The following CACNA1C variants were observed in gnomAD, a reference collection of about 807,000 sequenced individuals.
CACNA1C encodes the protein voltage-dependent L-type calcium channel subunit alpha-1C.
A neutral mutation model predicts 229.0 loss-of-function variants in CACNA1C; 30 were observed. That is an observed-to-expected ratio of 0.13 (90% CI 0.10 to 0.18). The LOEUF (loss-of-function observed/expected upper bound fraction) is 0.18. CACNA1C is among the 10% of genes least tolerant of loss of function. The pLI is 1.00. For missense variants in CACNA1C, 1,658 were observed against 2,845.0 expected (o/e 0.58, Z 9.49); for synonymous variants, 1,114 against 1,132.5 (o/e 0.98, Z 0.33).
At chr12:2,610,196 G>A (rs1044599579) in intron 27 of CACNA1C, among the ~76,000 whole-genome samples, 1 of 152,104 alleles carries the variant, frequency 6.6e-6, no homozygotes, top group Non-Finnish European at 1.5e-5. Flanking sequence ...GCTGTCAGTC[G>A]GTCAGGAAGC....
chr12:2,283,435 C>T lies in CACNA1C; in HGVS notation c.477+163005C>T, dbSNP rs116396201. On this transcript the variant is annotated intron_variant, in intron 3 of 46. Coordinates refer to ENST00000399655, the MANE Select transcript of CACNA1C (RefSeq NM_000719.7). ...GGGCTGGACAAATTAGAGCCTTCAC[C>T]TCCATGAGGGAAGACCATGGACCCC... is the stretch of plus-strand genomic sequence containing the variant. 5.7e-3 allele frequency among the ~76,000 whole-genome samples: 863 copies of T among 152,286 alleles called. 16 individuals are homozygous for T. Among genetic ancestry groups the T allele is most frequent in the African/African-American group, 0.02 (821 of 41,552 alleles).
At chr12:1,987,280 A>T (rs1018819292) in intron 1 of CACNA1C, among the ~76,000 whole-genome samples, 4 of 152,240 alleles carry the variant, frequency 2.6e-5, no homozygotes, top group African/African-American at 9.6e-5. Flanking sequence ...TTTCATATGT[A>T]CATCATTATA....
intron 7 of CACNA1C, among the ~76,000 whole-genome samples, chr12:2,501,094 T>A (rs190699078): frequency 6.0e-5 from 9 of 148,836 alleles, no homozygotes; most frequent in Non-Finnish European, 1.2e-4. Context: ...CTGTAGTCCC[T>A]GCTACTCGGG....
intron 3 of CACNA1C, among the ~76,000 whole-genome samples, chr12:2,329,162 C>G (rs2238063): frequency 2.0e-5 from 3 of 152,112 alleles, no homozygotes; most frequent in African/African-American, 4.8e-5. Context: ...CTACAAACAC[C>G]GCAGATCGAT....
chr12:2,184,238 T>C (rs1484655347), intron 3 of CACNA1C, among the ~76,000 whole-genome samples: 1 of 152,222 alleles, frequency 6.6e-6, no homozygotes, highest in Non-Finnish European at 1.5e-5. Context: ...ACTTGTTATT[T>C]AATGTGTCTT....
rs532053370 is a variant in CACNA1C at position 2,552,827 on chromosome 12, G to A, written c.1481+2794G>A. Among the ~76,000 whole-genome samples, 7 of 152,300 alleles carry A rather than the reference G, an allele frequency of 4.6e-5. No individual in the cohort carries two copies. In the East Asian group the frequency reaches 9.7e-4, roughly 21 times the overall value. ...GTGCTCACTCAGGCAGTGAGGCCAT[G>A]GACAGGGAGGAAGATGGGAGCATGT... On this transcript the variant is annotated intron_variant, in intron 10 of 46. Coordinates refer to ENST00000399655, the MANE Select transcript of CACNA1C (RefSeq NM_000719.7).
intron 45 of CACNA1C, 76 bp downstream of exon 45, chr12:2,686,345 G>A (rs2097487659): frequency 2.7e-6 from 3 of 1,129,554 alleles, no homozygotes; most frequent in Non-Finnish European, 4.1e-6. Context: ...GACAAATCCT[G>A]AAGACTTCAG....
rs1459983748 is a variant in CACNA1C, at chr12:2,654,744, C to T, written c.4141-403C>T. Among the ~76,000 whole-genome samples the T allele has an allele frequency of 6.6e-6, 1 of 152,210 alleles. No homozygotes were observed. On this transcript the variant is annotated intron_variant, in intron 33 of 46. Coordinates refer to ENST00000399655, the MANE Select transcript of CACNA1C (RefSeq NM_000719.7). The surrounding 1 kb of genome is among the most constrained non-coding windows in gnomAD (Gnocchi z 4.4). ...TTAAGCTTGCCCTAGCCTCAGATCA[C>T]TCACTCCACATCACTCCAAAATGCA...
chr12:2,447,373 C>T (rs983463561), intron 3 of CACNA1C, among the ~76,000 whole-genome samples: 7 of 152,128 alleles, frequency 4.6e-5, no homozygotes, highest in African/African-American at 1.4e-4. Flanking sequence ...TGAAATCTGA[C>T]CCCTGCACTC....
intron 30 of CACNA1C, among the ~76,000 whole-genome samples, chr12:2,637,756 G>GTCATCCTC (rs1476006338): frequency 6.6e-6 from 1 of 152,190 alleles, no homozygotes; most frequent in Non-Finnish European, 1.5e-5. Flanking sequence ...GGTATTTTTA[G>GTCATCCTC]TCATCCTCTC....
chr12:2,265,195 C>T (rs2081901363), intron 3 of CACNA1C, among the ~76,000 whole-genome samples: 1 of 152,178 alleles, frequency 6.6e-6, no homozygotes, highest in Admixed American at 6.5e-5. Flanking sequence ...TGCTGACCTT[C>T]TGCACAGGCT....
chr12:2,468,429 A>C (rs1031625984), intron 5 of CACNA1C, among the ~76,000 whole-genome samples: 6 of 152,216 alleles, frequency 3.9e-5, no homozygotes, highest in Admixed American at 6.5e-5. Context: ...TTAGCTGATG[A>C]ATCGGCCCAG....
In CACNA1C at chr12:2,654,828, G is replaced by A. The variant is rs191148592; in HGVS notation, c.4141-319G>A. Among the ~76,000 whole-genome samples the A allele has an allele frequency of 6.6e-6, 1 of 152,166 alleles. No individual in the cohort carries two copies. The highest frequency in any genetic ancestry group is 1.5e-5 in the Non-Finnish European group (1 of 68,038). ...GAACTGAAATAGCAAAGAAAATAACGCAGTGCGTCCTGTGTCCTGTCAGAA... is the reference window on the plus strand; with the variant it reads ...GAACTGAAATAGCAAAGAAAATAACACAGTGCGTCCTGTGTCCTGTCAGAA... On this transcript the variant is annotated intron_variant, in intron 33 of 46. Coordinates refer to ENST00000399655, the MANE Select transcript of CACNA1C (RefSeq NM_000719.7). This position sits in a 1 kb window ranked among gnomAD's most constrained non-coding sequence, Gnocchi z 4.4.
At position 2,677,687 on chromosome 12, in the gene CACNA1C, G is replaced by T. The variant is rs918914420; in HGVS notation, c.4957-46G>T. The T allele has an allele frequency of 4.4e-6, 7 of 1,586,080 alleles. No homozygotes were observed. The African/African-American group carries it at 8.1e-5, about 18-fold the overall frequency. ...GAGGCTGTGGCTGGCTGGGGAGCTT[G>T]GAGGAAAGGGAGCGTGGTCCTCACC... is the stretch of plus-strand genomic sequence containing the variant. On this transcript the variant is annotated intron_variant, in intron 40 of 46. Coordinates refer to ENST00000399655, the MANE Select transcript of CACNA1C (RefSeq NM_000719.7). This position sits in a 1 kb window ranked among gnomAD's most constrained non-coding sequence, Gnocchi z 7.4.
intron 43 of CACNA1C, among the ~76,000 whole-genome samples, chr12:2,683,958 C>T (rs2097309683): frequency 6.6e-6 from 1 of 152,216 alleles, no homozygotes; most frequent in African/African-American, 2.4e-5. Context: ...CCGACCCCTC[C>T]CAGCATGTCA....
intron 3 of CACNA1C, among the ~76,000 whole-genome samples, chr12:2,294,874 A>G (rs2093882762): frequency 6.6e-6 from 1 of 152,136 alleles, no homozygotes; most frequent in Non-Finnish European, 1.5e-5. Flanking sequence ...GTCTGTGTGC[A>G]CATGGTGCTC....
intron 3 of CACNA1C, among the ~76,000 whole-genome samples, chr12:2,392,395 TC>T (rs1374370203): frequency 6.6e-6 from 1 of 152,154 alleles, no homozygotes; most frequent in Non-Finnish European, 1.5e-5. Context: ...GCCCCTTCCT[TC>T]CAGGAAGCTG....
chr12:2,473,941 G>A (rs368201266), intron 5 of CACNA1C, among the ~76,000 whole-genome samples: 17 of 152,200 alleles, frequency 1.1e-4, no homozygotes, highest in South Asian at 8.3e-4. Context: ...TAGAGTTACC[G>A]TAAGTTGGCA....
chr12:2,600,965 A>G (rs1032334476), intron 21 of CACNA1C, among the ~76,000 whole-genome samples: 1 of 152,108 alleles, frequency 6.6e-6, no homozygotes, highest in African/African-American at 2.4e-5. Context: ...TCATTTTTCC[A>G]ATGAGGAAAC....
Sources: allele counts gnomAD v4.1 joint callset (sites outside exome capture counted in the v4.1 genomes callset), GRCh38; gene constraint gnomAD v4.1.1; non-coding constraint Gnocchi (gnomAD v3.1); transcripts MANE v1.5; gene names NCBI Gene and HGNC (gene_info 2026-07-23, HGNC 2026-07-21).